ERMP1: variants seen among roughly 807,000 people sequenced by gnomAD.
ERMP1 encodes the protein Felix-ina.
ERMP1 carries 86 observed loss-of-function variants against 92.0 expected under a neutral mutation model. The ratio of observed to expected loss-of-function variants is 0.93; its 90% CI spans 0.79 to 1.12. ERMP1 has a LOEUF of 1.12. ERMP1 is among the 50% of genes most tolerant of loss of function. The pLI is 0.00. For synonymous variants in ERMP1, 530 were observed against 412.8 expected (o/e 1.28, Z -3.44); for missense variants, 1,342 against 1,116.3 (o/e 1.20, Z -2.88).
rs149813937 is a variant in ERMP1 at position 5,797,724 on chromosome 9, T to C, written c.2386+93A>G. The C allele has an allele frequency of 1.1e-3, 835 of 759,330 alleles. 5 individuals are homozygous for C. The African/African-American group carries it at 0.013, about 12-fold the overall frequency. The allele number at this position is 759,330 out of a possible 1,614,324, so 47.0% of individuals were successfully genotyped here. A position where few individuals can be genotyped will look rare whatever the true frequency, so the allele number is the denominator to read the frequency against. On this transcript the variant is annotated intron_variant, in intron 13 of 14. Coordinates refer to ENST00000339450, the MANE Select transcript of ERMP1 (RefSeq NM_024896.3). The stretch of plus-strand genomic sequence containing the variant: ...TCACAGGCTCTTCCTAAGTTGCTGG[T>C]TCCTGTGATATATCTGAGGGAAAAA...
intron 6 of ERMP1, among the ~76,000 whole-genome samples, chr9:5,811,850 A>G (rs958120592): frequency 1.3e-5 from 2 of 152,200 alleles, no homozygotes; most frequent in African/African-American, 4.8e-5. Context: ...ACATCATGGG[A>G]GACTAACAGA....
At chr9:5,793,753 C>G (rs1453179904) in intron 13 of ERMP1, among the ~76,000 whole-genome samples, 2 of 152,068 alleles carry the variant, frequency 1.3e-5, no homozygotes, top group African/African-American at 2.4e-5. Context: ...ACATAACAAT[C>G]TTTAATTTGT....
intron 13 of ERMP1, among the ~76,000 whole-genome samples, chr9:5,789,526 G>A (rs1487474749): frequency 6.6e-6 from 1 of 152,204 alleles, no homozygotes; most frequent in Non-Finnish European, 1.5e-5. Context: ...CCAACCAACA[G>A]ATAACTGTAC....
chr9:5,807,892 AATT>A (rs1828928768), intron 8 of ERMP1, among the ~76,000 whole-genome samples: 1 of 152,120 alleles, frequency 6.6e-6, no homozygotes, highest in African/African-American at 2.4e-5. Flanking sequence ...AATATATTGC[AATT>A]ATTATCATTC....
intron 11 of ERMP1, among the ~76,000 whole-genome samples, chr9:5,800,818 T>C (rs1828642196): frequency 6.6e-6 from 1 of 152,252 alleles, no homozygotes; most frequent in African/African-American, 2.4e-5. Flanking sequence ...ATTTTGCCAG[T>C]TGACAGTTTA....
chr9:5,853,836 G>A (rs914331128), intron 6 of ERMP1, among the ~76,000 whole-genome samples: 1 of 150,748 alleles, frequency 6.6e-6, no homozygotes, highest in South Asian at 2.1e-4. Context: ...ACGCTCTCTA[G>A]ATGTAGCCTT....
intron 6 of ERMP1, among the ~76,000 whole-genome samples, chr9:5,839,658 C>T (rs966771517): frequency 5.3e-5 from 8 of 152,172 alleles, no homozygotes; most frequent in African/African-American, 1.9e-4. Context: ...CTATCTCCTC[C>T]TGCAGCCCCC....
At chr9:5,860,085 A>T (rs954688975) in intron 5 of ERMP1, among the ~76,000 whole-genome samples, 5 of 151,440 alleles carry the variant, frequency 3.3e-5, no homozygotes, top group African/African-American at 1.2e-4. Context: ...GGATTGCTTG[A>T]GCCCAGTTTG....
chr9:5,854,498 A>C (rs1830347816), intron 6 of ERMP1, among the ~76,000 whole-genome samples: 1 of 152,160 alleles, frequency 6.6e-6, no homozygotes, highest in Non-Finnish European at 1.5e-5. Flanking sequence ...CTTGAACAAA[A>C]AGTTTAACTA....
intron 5 of ERMP1, among the ~76,000 whole-genome samples, chr9:5,861,166 A>AGG (rs1554630169): frequency 1.6e-3 from 125 of 78,354 alleles, no homozygotes; most frequent in South Asian, 7.2e-3. Flanking sequence ...ACAATGGCTT[A>AGG]GGGGGTGTGT....
chr9:5,824,023 C>T lies in ERMP1; in HGVS notation c.769-22G>A, dbSNP rs768315926. 3 of 1,563,070 alleles carry T rather than the reference C, an allele frequency of 1.9e-6. No individual in the cohort carries two copies. In the East Asian group the frequency reaches 6.7e-5, roughly 35 times the overall value. On this transcript the variant is annotated intron_variant, in intron 3 of 14. Coordinates refer to ENST00000339450, the MANE Select transcript of ERMP1 (RefSeq NM_024896.3). Reference sequence around the variant, plus strand: ...TGGCCTTAAAGAGAAGGAAAGAAAACAAATATTTGTTAAACAATCTTAAAT... The same window carrying T: ...TGGCCTTAAAGAGAAGGAAAGAAAATAAATATTTGTTAAACAATCTTAAAT...
chr9:5,850,113 C>A (rs1478390594), intron 6 of ERMP1, among the ~76,000 whole-genome samples: 1 of 152,066 alleles, frequency 6.6e-6, no homozygotes, highest in Non-Finnish European at 1.5e-5. Flanking sequence ...GCCCAGGTCT[C>A]CCCCCCTTTA....
chr9:5,842,870 G>C (rs976573113), intron 6 of ERMP1, among the ~76,000 whole-genome samples: 1 of 152,184 alleles, frequency 6.6e-6, no homozygotes, highest in Non-Finnish European at 1.5e-5. Flanking sequence ...TTTAGAAAAG[G>C]CTAAGGAAAT....
chr9:5,846,363 C>T (rs982792392), intron 6 of ERMP1, among the ~76,000 whole-genome samples: 1 of 152,142 alleles, frequency 6.6e-6, no homozygotes, highest in East Asian at 1.9e-4. Flanking sequence ...TACTAATTTG[C>T]TGTGTGACCT....
At position 5,793,272 on chromosome 9, in the gene ERMP1, TA is replaced by T. The variant is rs540311191; in HGVS notation, c.2386+4544del. On this transcript the variant is annotated intron_variant, in intron 13 of 14. Coordinates refer to ENST00000339450, the MANE Select transcript of ERMP1 (RefSeq NM_024896.3). ...CGACAGGGCAGCCATTAAAAAAGGT[TA>T]AAAAAAAAATAGTAGTGTAACTGAC... Among the ~76,000 whole-genome samples the T allele has an allele frequency of 1.6e-3, 244 of 147,998 alleles. 2 individuals carry two copies. Among genetic ancestry groups the T allele is most frequent in the Non-Finnish European group, 2.8e-3 (185 of 66,614 alleles).
intron 13 of ERMP1, among the ~76,000 whole-genome samples, chr9:5,796,016 T>C (rs1327991221): frequency 6.6e-6 from 1 of 151,992 alleles, no homozygotes; most frequent in East Asian, 1.9e-4. Flanking sequence ...AAAATATATA[T>C]AAGGATTCTA....
intron 1 of ERMP1, chr9:5,832,363 A>C: frequency 6.8e-6 from 2 of 295,882 alleles, no homozygotes; most frequent in Non-Finnish European, 6.2e-6. Context: ...TAAGCAAGGT[A>C]AAAAGGGGAA....
chr9:5,801,537 C>T (rs1023480737), intron 10 of ERMP1, among the ~76,000 whole-genome samples: 10 of 152,136 alleles, frequency 6.6e-5, no homozygotes, highest in Non-Finnish European at 1.2e-4. Flanking sequence ...ATGACAGATG[C>T]CTCCAATCTG....
chr9:5,824,528 G>A (rs367641041), intron 3 of ERMP1, among the ~76,000 whole-genome samples: 34 of 152,046 alleles, frequency 2.2e-4, no homozygotes, highest in African/African-American at 3.1e-4. Context: ...TCAACCTCCC[G>A]AATAGCTGGG....
Sources: allele counts gnomAD v4.1 joint callset (sites outside exome capture counted in the v4.1 genomes callset), GRCh38; gene constraint gnomAD v4.1.1; transcripts MANE v1.5; gene names NCBI Gene and HGNC (gene_info 2026-07-23, HGNC 2026-07-21).